The following OR2C1 variants were observed in gnomAD, a reference collection of about 807,000 sequenced individuals.
The protein encoded by OR2C1 is olfactory receptor family 2 subfamily C member 1, also known as olfactory receptor 2C1.
For synonymous variants in OR2C1, 209 were observed against 167.3 expected (o/e 1.25, Z -1.92); for missense variants, 468 against 388.3 (o/e 1.21, Z -1.73).
chr16:3,346,790 C>T, the OR2C1 span, among the ~76,000 whole-genome samples: 199 of 151,162 alleles, frequency 1.3e-3, no homozygotes, highest in Non-Finnish European at 1.5e-3. Context: ...CCACCACGCT[C>T]GACTAATTTT....
the OR2C1 span, among the ~76,000 whole-genome samples, chr16:3,350,590 T>G: frequency 6.6e-6 from 1 of 151,134 alleles, no homozygotes; most frequent in African/African-American, 2.4e-5. Flanking sequence ...TTTTTGTATT[T>G]TTACTGGAGA....
At chr16:3,345,403 G>A in the OR2C1 span, among the ~76,000 whole-genome samples, 8 of 151,584 alleles carry the variant, frequency 5.3e-5, no homozygotes, top group Non-Finnish European at 8.8e-5. Flanking sequence ...GGAGAATGAC[G>A]TGAACCCAGG....
chr16:3,356,849 G>T lies in OR2C1; in HGVS notation c.909G>T (p.Arg303Ser), dbSNP rs749705455. 5.0e-6 allele frequency: 8 copies of T among 1,604,328 alleles called. No homozygotes were observed. The highest frequency in any genetic ancestry group is 1.1e-5 in the South Asian group (1 of 90,000). ...TGGAAGTGAAGGGCGCACTGAGGAG[G>T]TTGCTGGGGAAAGGAAGAGAAGTTG... is the stretch of plus-strand genomic sequence containing the variant. ...RNMEVKGALR[R>S]LLGKGREVG Residue 303 changes from arginine to serine, a missense_variant, in exon 1 of 1, where the codon AGG becomes AGT. Physicochemically the swap from Arg to Ser is moderately radical, Grantham distance 110. Transcript: ENST00000304936.
At chr16:3,352,130 T>C (rs989535369), upstream of OR2C1, among the ~76,000 whole-genome samples, 1 of 152,124 alleles carries the variant, frequency 6.6e-6, no homozygotes, top group Non-Finnish European at 1.5e-5. Flanking sequence ...TTTTAATTTT[T>C]TTTTGAGACA....
At chr16:3,344,776 A>T in the OR2C1 span, among the ~76,000 whole-genome samples, 1 of 152,072 alleles carries the variant, frequency 6.6e-6, no homozygotes, top group African/African-American at 2.4e-5. Context: ...AGAACGTGGG[A>T]AAACCAGGAA....
the OR2C1 span, among the ~76,000 whole-genome samples, chr16:3,331,600 C>T: frequency 6.6e-6 from 1 of 151,368 alleles, no homozygotes; most frequent in South Asian, 2.1e-4. Flanking sequence ...TCAGCTTTCT[C>T]CATATGGCTA....
At chr16:3,333,435 G>A in the OR2C1 span, among the ~76,000 whole-genome samples, 2 of 151,514 alleles carry the variant, frequency 1.3e-5, no homozygotes, top group African/African-American at 2.4e-5. Context: ...TCCCGGGTTC[G>A]CGCCATTCTC....
At chr16:3,335,682 AC>A in the OR2C1 span, among the ~76,000 whole-genome samples, 1 of 151,862 alleles carries the variant, frequency 6.6e-6, no homozygotes, top group African/African-American at 2.4e-5. Flanking sequence ...GCCCACCACC[AC>A]ATCCAGCTAA....
At chr16:3,325,463 ATATATATAT>A in the OR2C1 span, among the ~76,000 whole-genome samples, 110 of 79,342 alleles carry the variant, frequency 1.4e-3, no homozygotes, top group Middle Eastern at 0.011. Context: ...GTCTAAAAAT[ATATATATAT>A]ATATATATAT....
At chr16:3,323,906 CT>C in the OR2C1 span, 9 of 1,246,864 alleles carry the variant, frequency 7.2e-6, no homozygotes, top group South Asian at 3.9e-5. Context: ...AGGGATTTTT[CT>C]TTGCTTTTGC....
At chr16:3,351,340 G>A (rs1382057046), upstream of OR2C1, among the ~76,000 whole-genome samples, 1 of 149,654 alleles carries the variant, frequency 6.7e-6, no homozygotes, top group Non-Finnish European at 1.5e-5. Flanking sequence ...CAATTCTCCT[G>A]CCTCAGCCTC....
chr16:3,351,226 C>CTTTT (rs146153498), upstream of OR2C1, among the ~76,000 whole-genome samples: 2 of 13,272 alleles, frequency 1.5e-4, no homozygotes, highest in Admixed American at 1.1e-3. Context: ...TTTTCTTTTT[C>CTTTT]TTTTTTTTTT....
At chr16:3,349,593 A>ATTG in the OR2C1 span, among the ~76,000 whole-genome samples, 5 of 152,274 alleles carry the variant, frequency 3.3e-5, no homozygotes, top group South Asian at 1.0e-3. Context: ...CCAAAGGTAC[A>ATTG]TTTCCATAAA....
upstream of OR2C1, among the ~76,000 whole-genome samples, chr16:3,351,904 T>TC (rs1491067126): frequency 6.7e-6 from 1 of 148,878 alleles, no homozygotes; most frequent in African/African-American, 2.5e-5. Flanking sequence ...TTTTTTTTTT[T>TC]TCGTATTTTG....
At chr16:3,325,701 C>A in the OR2C1 span, among the ~76,000 whole-genome samples, 32 of 151,014 alleles carry the variant, frequency 2.1e-4, 1 homozygote, top group Non-Finnish European at 3.1e-4. Context: ...TCTATGGATA[C>A]CTATATCTCA....
the OR2C1 span, among the ~76,000 whole-genome samples, chr16:3,331,613 C>T: frequency 6.6e-6 from 1 of 151,696 alleles, no homozygotes; most frequent in Admixed American, 6.6e-5. Flanking sequence ...TATGGCTAGC[C>T]AGTTTTCCCA....
At chr16:3,350,513 G>A in the OR2C1 span, among the ~76,000 whole-genome samples, 4 of 151,164 alleles carry the variant, frequency 2.6e-5, no homozygotes, top group South Asian at 2.1e-4. Context: ...CCGGGTTCAC[G>A]CCATTCTCCT....
At chr16:3,339,675 C>A in the OR2C1 span, among the ~76,000 whole-genome samples, 1 of 152,034 alleles carries the variant, frequency 6.6e-6, no homozygotes, top group South Asian at 2.1e-4. Flanking sequence ...CCAGGATGGT[C>A]TCGATCTCTT....
At chr16:3,332,201 A>G in the OR2C1 span, among the ~76,000 whole-genome samples, 1 of 151,970 alleles carries the variant, frequency 6.6e-6, no homozygotes, top group Non-Finnish European at 1.5e-5. Context: ...CATTGTGCAC[A>G]TGTACCCTAA....
Sources: gnomAD v4.1 joint callset for allele counts (sites outside exome capture counted in the v4.1 genomes callset) on GRCh38, gnomAD v4.1.1 for gene constraint, MANE v1.5 for transcripts, NCBI Gene and HGNC (gene_info 2026-07-23, HGNC 2026-07-21) for gene names.